ADAMTSL2: variants seen among roughly 807,000 people sequenced by gnomAD.
ADAMTSL2 encodes ADAMTS like 2.
A neutral mutation model predicts 117.0 loss-of-function variants in ADAMTSL2; 55 were observed. The observed-to-expected ratio is 0.47, with a 90% CI of 0.38 to 0.59. The LOEUF (loss-of-function observed/expected upper bound fraction) is 0.59, where lower values mean the gene tolerates loss of function less well. Ranked by LOEUF, ADAMTSL2 falls within the 20% of genes least tolerant of loss-of-function variation. The pLI is 0.00. For synonymous variants in ADAMTSL2, 572 were observed against 566.4 expected, an observed-to-expected ratio of 1.01 and a Z score of -0.14; for missense variants, 1,182 against 1,354.5, an observed-to-expected ratio of 0.87 and a Z score of 2.00.
chr9:133,575,125 T>TCCTACCCTTGAGGCTGGA lies in ADAMTSL2; in HGVS notation c.*261_*262insCCTACCCTTGAGGCTGGA. 1.9e-6 allele frequency: 1 copy of TCCTACCCTTGAGGCTGGA among 519,450 alleles called. No individual in the cohort carries two copies. The highest frequency in any genetic ancestry group is 3.5e-6 in the Non-Finnish European group (1 of 285,476). The allele number at this position is 519,450 out of a possible 1,614,324, so 32.2% of individuals were successfully genotyped here. The stretch of plus-strand genomic sequence containing the variant: ...CCTGTCCGTGTTCCTGCGTGGATCC[T>TCCTACCCTTGAGGCTGGA]GTGTTTGTGGCTCCCACTCCCCAGC... On this transcript the variant is annotated 3_prime_UTR_variant, in exon 19 of 19. Transcript: ENST00000651351.
At chr9:133,552,037 C>G (rs34443108) in intron 9 of ADAMTSL2, among the ~76,000 whole-genome samples, 29,216 of 151,902 alleles carry the variant, frequency 0.19, 3,408 homozygotes, top group South Asian at 0.31. Context: ...ACTATGTTGG[C>G]CAGGCTGGTC....
intron 8 of ADAMTSL2, among the ~76,000 whole-genome samples, chr9:133,545,802 G>A (rs28528898): frequency 0.07 from 10,616 of 152,230 alleles, 513 homozygotes; most frequent in Non-Finnish European, 0.1. Context: ...GGTTTTGGAC[G>A]AGAGCCTCGG....
chr9:133,541,246 A>G (rs983323444), intron 7 of ADAMTSL2, among the ~76,000 whole-genome samples: 2 of 151,592 alleles, frequency 1.3e-5, no homozygotes, highest in African/African-American at 4.8e-5. Context: ...CTTGGGGGTC[A>G]CATTTGCCCT....
At chr9:133,535,056 C>T (rs1428260583) in intron 1 of ADAMTSL2, 139 bp downstream of exon 1, 4 of 1,278,422 alleles carry the variant, frequency 3.1e-6, no homozygotes, top group African/African-American at 1.5e-5. Flanking sequence ...GGGGAGGGGT[C>T]GGGCCGCAGA....
rs943997641 is a variant in ADAMTSL2, at chr9:133,567,552, A to G, written c.1874+490A>G. On this transcript the variant is annotated intron_variant, in intron 13 of 18. Transcript: ENST00000651351. ...TAGTGACAAGTGGGGTCCCCAGATG[A>G]GCCTGAGGGTGCCGGCCTCCCCCGA... Among the ~76,000 whole-genome samples the G allele has an allele frequency of 3.5e-3, 531 of 152,192 alleles. 10 individuals are homozygous for G. Among genetic ancestry groups the G allele is most frequent in the Admixed American group, 0.027 (415 of 15,292 alleles).
At position 133,538,421 on chromosome 9, in the gene ADAMTSL2, G is replaced by T; in HGVS notation, c.306G>T (p.Val102=). Residue 102 remains valine, a synonymous_variant, in exon 4 of 19, where the codon GTG becomes GTT. Coordinates refer to ENST00000651351, the MANE Select transcript of ADAMTSL2 (RefSeq NM_014694.4). ...GTSKRYQLCR[V]QECPPDGRSF... is the part of the protein sequence containing the mutation. ...CCAAGCGGTACCAGCTCTGCAGAGT[G>T]CAGGTGAGGCCCGGCCCGGGCAGGG... The T allele has an allele frequency of 1.2e-6, 2 of 1,613,122 alleles. No individual in the cohort carries two copies. Among genetic ancestry groups the T allele is most frequent in the Non-Finnish European group, 8.5e-7 (1 of 1,179,972 alleles).
intron 18 of ADAMTSL2, 144 bp from the exon 19 acceptor site, chr9:133,574,602 A>AG (rs1339764616): frequency 1.3e-6 from 1 of 769,478 alleles, no homozygotes; most frequent in African/African-American, 1.7e-5. Context: ...GCCAGGAAGG[A>AG]GGGGGCAGAG....
rs1261182108 is a variant in ADAMTSL2, at chr9:133,573,726, ATG to A, written c.2593-116_2593-115del. 4.5e-6 allele frequency: 6 copies of A among 1,346,098 alleles called. No individual in the cohort carries two copies. In the African/African-American group the frequency reaches 7.2e-5, roughly 16 times the overall value. The allele number at this position is 1,346,098 out of a possible 1,614,324, so 83.4% of individuals were successfully genotyped here. ...ACGGGTCCTGTGTCAGTTGGGACTC[ATG>A]GCCGCCTGGGAAGGGTGGGGTGGGG... On this transcript the variant is annotated intron_variant, in intron 17 of 18. Coordinates refer to ENST00000651351, the MANE Select transcript of ADAMTSL2 (RefSeq NM_014694.4).
At chr9:133,541,055 G>T (rs767852695) in intron 7 of ADAMTSL2, 54 bp downstream of exon 7, 2 of 1,580,254 alleles carry the variant, frequency 1.3e-6, no homozygotes, top group Non-Finnish European at 1.7e-6. Flanking sequence ...GGAATCGGGG[G>T]TCCTGAGTGT....
chr9:133,554,662 C>T lies in ADAMTSL2; in HGVS notation c.1245C>T (p.Cys415=), dbSNP rs925544120. The T allele has an allele frequency of 7.1e-5, 108 of 1,518,142 alleles. No individual in the cohort carries two copies. The highest frequency in any genetic ancestry group is 1.1e-4 in the South Asian group (9 of 81,536). The allele number at this position is 1,518,142 out of a possible 1,614,324, so 94.0% of individuals were successfully genotyped here. ...EVCEQAGGGA[C]EGPPRGKGFR... ...GCGAGCAGGCCGGCGGCGGGGCCTG[C>T]GAGGGGCCCCCCAGGGGCAAGGGCT... Residue 415 remains cysteine, a synonymous_variant, in exon 10 of 19, where the codon TGC becomes TGT. Transcript: ENST00000651351. The surrounding 1 kb of genome is among the most constrained non-coding windows in gnomAD (Gnocchi z 5.2).
chr9:133,563,783 C>T (rs1425796096), intron 12 of ADAMTSL2, among the ~76,000 whole-genome samples: 1 of 131,112 alleles, frequency 7.6e-6, no homozygotes, highest in Non-Finnish European at 1.6e-5. Flanking sequence ...GGAAATGAGC[C>T]ACCCTGAGAG....
At chr9:133,542,219 A>T (rs1830241265) in intron 7 of ADAMTSL2, among the ~76,000 whole-genome samples, 1 of 152,072 alleles carries the variant, frequency 6.6e-6, no homozygotes, top group Non-Finnish European at 1.5e-5. Context: ...TGGACATGGG[A>T]CCTAGGGACG....
chr9:133,534,850 T>C lies in ADAMTSL2; in HGVS notation c.-218T>C. The C allele has an allele frequency of 6.7e-7, 1 of 1,496,210 alleles. No individual in the cohort carries two copies. Among genetic ancestry groups the C allele is most frequent in the South Asian group, 1.3e-5 (1 of 78,536 alleles). The allele number at this position is 1,496,210 out of a possible 1,614,324, so 92.7% of individuals were successfully genotyped here. ...GCCGCCCCCGCACGCACAGCGCACC[T>C]GGCGCCGTCTGCCCTCCGCAGCGCT... On this transcript the variant is annotated 5_prime_UTR_variant, in exon 1 of 19. Coordinates refer to ENST00000651351, the MANE Select transcript of ADAMTSL2 (RefSeq NM_014694.4).
chr9:133,558,842 G>C lies in ADAMTSL2; in HGVS notation c.1650-2356G>C, dbSNP rs1830664979. Among the ~76,000 whole-genome samples, 1 of 152,242 alleles carries C rather than the reference G, an allele frequency of 6.6e-6. No homozygotes were observed. On this transcript the variant is annotated intron_variant, in intron 11 of 18. Coordinates refer to ENST00000651351, the MANE Select transcript of ADAMTSL2 (RefSeq NM_014694.4). The surrounding 1 kb of genome is among the most constrained non-coding windows in gnomAD (Gnocchi z 4.3). ...TACTTCCAAGAACGGAACCTGCTAG[G>C]CGTTGCATTGTTGTGCAAATATATG...
chr9:133,539,314 G>A (rs1830136239), intron 4 of ADAMTSL2, among the ~76,000 whole-genome samples: 2 of 152,198 alleles, frequency 1.3e-5, no homozygotes, highest in Admixed American at 1.3e-4. Context: ...TGCACGCTGG[G>A]TTCCTCTTTA....
At position 133,554,371 on chromosome 9, in the gene ADAMTSL2, C is replaced by T. The variant is rs886063638; in HGVS notation, c.954C>T (p.Asn318=). ...QGLNVMVWNQ[N]GKSPSITFEY... is the part of the protein sequence containing the mutation. ...TCTTTCCCTAGGTGTGGAACCAGAA[C>T]GGCAAAAGCCCCTCCATCACCTTCG... is the stretch of plus-strand genomic sequence containing the variant. Residue 318 remains asparagine (N), a synonymous_variant, in exon 10 of 19, where the codon AAC becomes AAT. Coordinates refer to ENST00000651351, the MANE Select transcript of ADAMTSL2 (RefSeq NM_014694.4). This position sits in a 1 kb window ranked among gnomAD's most constrained non-coding sequence, Gnocchi z 5.2. 1.7e-5 allele frequency: 26 copies of T among 1,555,212 alleles called. No individual in the cohort carries two copies. The highest frequency in any genetic ancestry group is 4.0e-5 in the African/African-American group (3 of 74,232).
intron 17 of ADAMTSL2, among the ~76,000 whole-genome samples, chr9:133,571,009 C>T (rs1403472579): frequency 2.0e-5 from 3 of 152,208 alleles, no homozygotes; most frequent in African/African-American, 7.2e-5. Context: ...CTGCACGGGT[C>T]TGGCCCCTCC....
At chr9:133,538,695 C>A (rs1474958265) in intron 4 of ADAMTSL2, among the ~76,000 whole-genome samples, 1 of 152,142 alleles carries the variant, frequency 6.6e-6, no homozygotes, top group African/African-American at 2.4e-5. Flanking sequence ...TCAAGTGCAG[C>A]CTCAAGGTTT....
At chr9:133,571,618 C>T (rs1273833028) in intron 17 of ADAMTSL2, among the ~76,000 whole-genome samples, 1 of 152,194 alleles carries the variant, frequency 6.6e-6, no homozygotes, top group Non-Finnish European at 1.5e-5. Flanking sequence ...CGGAGGCAGC[C>T]CTGTCTAGAC....
Sources: allele counts gnomAD v4.1 joint callset (sites outside exome capture counted in the v4.1 genomes callset), GRCh38; gene constraint gnomAD v4.1.1; non-coding constraint Gnocchi (gnomAD v3.1); transcripts MANE v1.5; gene names NCBI Gene and HGNC (gene_info 2026-07-23, HGNC 2026-07-21).